The following PDE1A variants were observed in gnomAD, a reference collection of about 807,000 sequenced individuals.
PDE1A encodes the protein phosphodiesterase 1A, also known as dual specificity calcium/calmodulin-dependent 3',5'-cyclic nucleotide phosphodiesterase 1A.
In PDE1A, 35 loss-of-function variants were observed where a neutral mutation model predicts 61.7. The ratio of observed to expected loss-of-function variants is 0.57; its 90% CI spans 0.43 to 0.75. The LOEUF is 0.75. PDE1A is among the 30% of genes least tolerant of loss of function. The pLI is 0.00. For missense variants in PDE1A, 597 were observed against 630.6 expected (o/e 0.95, Z 0.57); for synonymous variants, 232 against 213.2 (o/e 1.09, Z -0.77).
chr2:182,703,386 T>C, the PDE1A span, among the ~76,000 whole-genome samples: 1 of 152,070 alleles, frequency 6.6e-6, no homozygotes, highest in Non-Finnish European at 1.5e-5. Flanking sequence ...CAGTTATGAG[T>C]GTAGGCAATG....
At chr2:182,458,706 C>A (rs1686082118) in intron 2 of PDE1A, among the ~76,000 whole-genome samples, 2 of 152,032 alleles carry the variant, frequency 1.3e-5, no homozygotes, top group African/African-American at 4.8e-5. Context: ...TATCACCCTG[C>A]CTCTGATTGG....
chr2:182,702,446 G>C, the PDE1A span, among the ~76,000 whole-genome samples: 1 of 152,144 alleles, frequency 6.6e-6, no homozygotes. Flanking sequence ...GCAAAGCAGC[G>C]TGCTGCTTTT....
chr2:182,543,018 T>A, the PDE1A span, among the ~76,000 whole-genome samples: 1 of 152,200 alleles, frequency 6.6e-6, no homozygotes, highest in Non-Finnish European at 1.5e-5. Context: ...AGGCTGTGTT[T>A]TTGTGAGTGT....
At chr2:182,403,341 T>TG (rs1427447271) in intron 1 of PDE1A, among the ~76,000 whole-genome samples, 2 of 152,158 alleles carry the variant, frequency 1.3e-5, no homozygotes, top group African/African-American at 4.8e-5. Context: ...GGCTCAAGCC[T>TG]GTAATCCCAG....
intron 1 of PDE1A, among the ~76,000 whole-genome samples, chr2:182,327,207 C>T (rs1333589551): frequency 6.6e-6 from 1 of 152,026 alleles, no homozygotes; most frequent in Non-Finnish European, 1.5e-5. Context: ...ATGATCAATG[C>T]TGTGGAAAAA....
the PDE1A span, among the ~76,000 whole-genome samples, chr2:182,573,873 A>T: frequency 7.2e-6 from 1 of 138,950 alleles, no homozygotes; most frequent in Non-Finnish European, 1.5e-5. Context: ...ATACATATGT[A>T]TATATATTAA....
chr2:182,636,632 C>G, the PDE1A span, among the ~76,000 whole-genome samples: 1 of 152,172 alleles, frequency 6.6e-6, no homozygotes. Context: ...AGCGAACTTT[C>G]TCCCATGTAT....
At chr2:182,385,675 A>AAAG (rs1701004305) in intron 1 of PDE1A, among the ~76,000 whole-genome samples, 1 of 101,344 alleles carries the variant, frequency 9.9e-6, no homozygotes, top group African/African-American at 3.4e-5. Flanking sequence ...AAAAAGAAAG[A>AAAG]AAAGAAAGAA....
Position 182,363,154 on chromosome 2 carries a change from A to G in PDE1A, c.53+63424T>C, listed in dbSNP as rs370976752. ...GGTGACGAAATAATCTGTACAACAG[A>G]TCTCCATGACACCCGTTTACCTATA... On this transcript the variant is annotated intron_variant, in intron 1 of 13. Transcript: ENST00000351439. 2.0e-4 allele frequency among the ~76,000 whole-genome samples: 31 copies of G among 152,088 alleles called. No homozygotes were observed. The South Asian group carries it at 6.4e-3, about 32-fold the overall frequency.
chr2:182,267,837 A>G (rs1692742551), intron 1 of PDE1A, among the ~76,000 whole-genome samples: 1 of 152,036 alleles, frequency 6.6e-6, no homozygotes, highest in South Asian at 2.1e-4. Flanking sequence ...AAATGATTGT[A>G]TGTTCTGTAC....
chr2:182,272,075 T>C (rs1392366995), intron 1 of PDE1A, among the ~76,000 whole-genome samples: 1 of 152,114 alleles, frequency 6.6e-6, no homozygotes, highest in Non-Finnish European at 1.5e-5. Context: ...GACAGCAAGA[T>C]GGATACTAGA....
At chr2:182,590,393 A>G in the PDE1A span, among the ~76,000 whole-genome samples, 1 of 152,130 alleles carries the variant, frequency 6.6e-6, no homozygotes, top group African/African-American at 2.4e-5. Context: ...TCTTCCACCC[A>G]GGAGTTCAGG....
At chr2:182,535,545 G>C in the PDE1A span, among the ~76,000 whole-genome samples, 1 of 151,968 alleles carries the variant, frequency 6.6e-6, no homozygotes, top group African/African-American at 2.4e-5. Flanking sequence ...TTAACTTATT[G>C]AATTTAATTT....
At chr2:182,186,681 A>C in intron 11 of PDE1A, 93 bp from the exon 12 acceptor site, 1 of 1,269,920 alleles carries the variant, frequency 7.9e-7, no homozygotes, top group Non-Finnish European at 1.1e-6. Context: ...GCTTCTGACA[A>C]TCCTGGGATA....
chr2:182,461,558 C>T (rs1175387212), intron 2 of PDE1A, among the ~76,000 whole-genome samples: 1 of 152,020 alleles, frequency 6.6e-6, no homozygotes, highest in Non-Finnish European at 1.5e-5. Flanking sequence ...ACCAATAATC[C>T]CTCACCAGCC....
chr2:182,374,154 AT>A (rs564293844), intron 1 of PDE1A, among the ~76,000 whole-genome samples: 4 of 152,118 alleles, frequency 2.6e-5, no homozygotes, highest in Non-Finnish European at 5.9e-5. Flanking sequence ...TATACTTATT[AT>A]TTTTTCATAT....
At chr2:182,539,571 ATTGT>A in the PDE1A span, among the ~76,000 whole-genome samples, 3 of 152,342 alleles carry the variant, frequency 2.0e-5, no homozygotes, top group South Asian at 4.1e-4. Context: ...TATTTGGTTC[ATTGT>A]TTGTTAGCTA....
the PDE1A span, among the ~76,000 whole-genome samples, chr2:182,608,016 G>A: frequency 1.3e-5 from 2 of 152,116 alleles, no homozygotes; most frequent in African/African-American, 4.8e-5. Flanking sequence ...CTGGGAAGAG[G>A]GTATTGGGAC....
At chr2:182,686,428 T>C in the PDE1A span, among the ~76,000 whole-genome samples, 2 of 152,260 alleles carry the variant, frequency 1.3e-5, no homozygotes, top group Non-Finnish European at 2.9e-5. Context: ...GAACTATTCT[T>C]ACTAGTATTC....
Sources: allele counts gnomAD v4.1 joint callset (sites outside exome capture counted in the v4.1 genomes callset), GRCh38; gene constraint gnomAD v4.1.1; transcripts MANE v1.5; gene names NCBI Gene and HGNC (gene_info 2026-07-23, HGNC 2026-07-21).